The following WDR90 variants were observed in gnomAD, a reference collection of about 807,000 sequenced individuals.
The protein encoded by WDR90 is WD repeat domain 90, also known as WD repeat-containing protein 90.
In WDR90, 238 loss-of-function variants were observed where a neutral mutation model predicts 195.2. The observed-to-expected ratio is 1.22, with a 90% confidence interval of 1.10 to 1.36. The LOEUF is 1.36. Ranked by LOEUF, WDR90 falls within the 40% of genes most tolerant of loss-of-function variation. WDR90 has a pLI of 0.00. For synonymous variants in WDR90, 1,265 were observed against 1,052.4 expected, an observed-to-expected ratio of 1.20 and a Z score of -3.91; for missense variants, 2,734 against 2,439.5, an observed-to-expected ratio of 1.12 and a Z score of -2.54.
chr16:661,919 TG>T lies in WDR90; in HGVS notation c.3898del (p.Ala1300LeufsTer4). The T allele has an allele frequency of 6.2e-7, 1 of 1,609,866 alleles. No homozygotes were observed. ...CGTCGAGAGCCAGTCCCAGAGGCAGTGGGGGCTGGAGAGCTGACCTCGCTCT... is the reference window on the plus strand; with the variant it reads ...CGTCGAGAGCCAGTCCCAGAGGCAGTGGGGCTGGAGAGCTGACCTCGCTCT... ...QVRREPVPEA[V>X]GAGELTSLCY... is the part of the protein sequence containing the mutation. On this transcript the variant is annotated frameshift_variant, in exon 32 of 41. Transcript: ENST00000293879. LOFTEE classifies it high-confidence loss of function.
chr16:660,770 A>G, intron 28 of WDR90, 56 bp downstream of exon 28: 1 of 1,505,804 alleles, frequency 6.6e-7, no homozygotes, highest in Non-Finnish European at 9.0e-7. Context: ...CGCGTGGTCC[A>G]GCCGTCTCCA....
At chr16:654,803 C>T (rs948715600) in intron 13 of WDR90, 22 of 571,770 alleles carry the variant, frequency 3.8e-5, no homozygotes, top group Middle Eastern at 4.6e-4. Context: ...TACTTCTCTG[C>T]GAATGGGTTG....
rs767604702 is a variant in WDR90 at position 666,971 on chromosome 16, C to T, written c.5071C>T (p.Leu1691=). 23 of 1,607,598 alleles carry T rather than the reference C, an allele frequency of 1.4e-5. No homozygotes were observed. The highest frequency in any genetic ancestry group is 1.7e-5 in the Admixed American group (1 of 59,274). The change falls in exon 40 of 41, where the codon CTG becomes TTG. Residue 1691 remains leucine, a synonymous_variant. Transcript: ENST00000293879. ...SLSLSPGTHL[L]AVGFAECMLR... ...GAGCCTGTCCCCCGGGACCCACCTC[C>T]TGGCTGTTGGCTTTGCTGGTGAGTG...
Position 659,247 on chromosome 16 carries a change from C to G in WDR90, c.3055C>G (p.Pro1019Ala). 6.2e-7 allele frequency: 1 copy of G among 1,611,702 alleles called. No individual in the cohort carries two copies. Among genetic ancestry groups the G allele is most frequent in the Non-Finnish European group, 8.5e-7 (1 of 1,179,568 alleles). The stretch of plus-strand genomic sequence containing the variant: ...TCACAGGGCTGCTTCTTCCCCAGGC[C>G]CGGGCGCAGGACCGCTGGAGGACGC... ...PGAPPACKTG[P>A]GAGPLEDAAS... Residue 1019 changes from proline (P) to alanine (A), a missense_variant and splice_region_variant, in exon 26 of 41, where the codon CCG (proline) becomes GCG (alanine). By Grantham distance (27) the Pro-to-Ala change is conservative. Coordinates refer to ENST00000293879, the MANE Select transcript of WDR90 (RefSeq NM_145294.5).
In WDR90 at chr16:662,058, T is replaced by C. The variant is rs951304724; in HGVS notation, c.4032T>C (p.Ile1344=). 3 of 1,600,454 alleles carry C rather than the reference T, an allele frequency of 1.9e-6. No homozygotes were observed. Among genetic ancestry groups the C allele is most frequent in the Non-Finnish European group, 2.5e-6 (3 of 1,179,312 alleles). Residue 1344 remains isoleucine, a splice_region_variant and synonymous_variant, in exon 32 of 41, where the codon ATT becomes ATC. Transcript: ENST00000293879. ...FLSWEADDGG[I]GLLLFSGSRL... ...CCTGGGAGGCGGATGACGGTGGCATTGGTGAGTGCCCCGCAGAAGCCCTGT... is the reference window on the plus strand; with the variant it reads ...CCTGGGAGGCGGATGACGGTGGCATCGGTGAGTGCCCCGCAGAAGCCCTGT...
intron 13 of WDR90, 136 bp from the exon 14 acceptor site, chr16:654,893 C>G (rs2151209892): frequency 1.3e-6 from 1 of 755,042 alleles, no homozygotes; most frequent in East Asian, 2.6e-5. Context: ...TCCTTCCACT[C>G]TCCACGGCCG....
Position 666,329 on chromosome 16 carries a change from C to T in WDR90, c.4719C>T (p.Thr1573=), listed in dbSNP as rs751916611. ...ACCACCAGGGCGCCCCAATCTCTACCATCTGTGTCACGTGCAAAGAGGTAA... is the reference window on the plus strand; with the variant it reads ...ACCACCAGGGCGCCCCAATCTCTACTATCTGTGTCACGTGCAAAGAGGTAA... ...LSDHQGAPIS[T]ICVTCKECED... is the part of the protein sequence containing the mutation. Residue 1573 remains threonine (T), a synonymous_variant, in exon 37 of 41, where the codon ACC becomes ACT. Coordinates refer to ENST00000293879, the MANE Select transcript of WDR90 (RefSeq NM_145294.5). The T allele has an allele frequency of 1.9e-6, 3 of 1,612,598 alleles. No individual in the cohort carries two copies. The highest frequency in any genetic ancestry group is 1.3e-5 in the African/African-American group (1 of 74,944).
intron 34 of WDR90, chr16:664,894 T>C (rs2151376609): frequency 6.6e-6 from 1 of 152,410 alleles, no homozygotes; most frequent in East Asian, 1.9e-4. Context: ...TTAGCCAGGA[T>C]GGTCTCGAAC....
chr16:658,870 C>A (rs1396833306), intron 23 of WDR90, 26 bp from the exon 24 acceptor site: 2 of 1,608,666 alleles, frequency 1.2e-6, no homozygotes, highest in African/African-American at 1.3e-5. Context: ...GCCTCGGGGT[C>A]CTGCATGTGA....
chr16:655,547 A>C (rs1291805111), intron 15 of WDR90, 26 bp from the exon 16 acceptor site: 2 of 1,564,346 alleles, frequency 1.3e-6, no homozygotes, highest in South Asian at 2.4e-5. Flanking sequence ...TGAGGGCCTC[A>C]CCTTCCCTGC....
intron 22 of WDR90, 64 bp from the exon 23 acceptor site, chr16:658,461 G>T: frequency 6.3e-7 from 1 of 1,580,920 alleles, no homozygotes; most frequent in Non-Finnish European, 8.6e-7. Context: ...CACAACGAAG[G>T]GAGGCCCCAG....
chr16:665,690 G>T lies in WDR90; in HGVS notation c.4323G>T (p.Val1441=). 6.2e-7 allele frequency: 1 copy of T among 1,612,676 alleles called. No individual in the cohort carries two copies. The highest frequency in any genetic ancestry group is 1.1e-5 in the South Asian group (1 of 91,092). Residue 1441 remains valine (V), a synonymous_variant, in exon 35 of 41, where the codon GTG becomes GTT. Transcript: ENST00000293879. Reference sequence around the variant, plus strand: ...ACGGCTTCCCCCAGGTGAACGAGGTGGTCTTCAGCCCCGGGGAGTCCCACT... The same window carrying T: ...ACGGCTTCCCCCAGGTGAACGAGGTTGTCTTCAGCCCCGGGGAGTCCCACT... ...ISGHRSKVNE[V]VFSPGESHCA... is the part of the protein sequence containing the mutation.
rs962428258 is a variant in WDR90, at chr16:649,462, G to C, written c.10+36G>C. ...GCTGGCGGGGGTCCCGAGGATCCCG[G>C]GTTCCGGGGTTCCGGGGTCCAGGGT... On this transcript the variant is annotated intron_variant, in intron 1 of 40. Coordinates refer to ENST00000293879, the MANE Select transcript of WDR90 (RefSeq NM_145294.5). 7.0e-6 allele frequency: 9 copies of C among 1,286,660 alleles called. No homozygotes were observed. In the East Asian group the frequency reaches 1.3e-4, roughly 18 times the overall value. 79.7% of individuals were successfully genotyped at this position (1,286,660 alleles called of 1,614,324 possible).
At position 659,116 on chromosome 16, in the gene WDR90, C is replaced by G; in HGVS notation, c.3042C>G (p.Ala1014=). ...AAAGCTTCCCCGGGGCCCCCCCAGC[C>G]TGCAAGACAGGTGAGTGGCTGTGCT... ...SDQSFPGAPP[A]CKTGPGAGPL... Residue 1014 remains alanine, a synonymous_variant, in exon 25 of 41, where the codon GCC becomes GCG. Coordinates refer to ENST00000293879, the MANE Select transcript of WDR90 (RefSeq NM_145294.5). 1.2e-6 allele frequency: 2 copies of G among 1,612,074 alleles called. No individual in the cohort carries two copies. Among genetic ancestry groups the G allele is most frequent in the Non-Finnish European group, 1.7e-6 (2 of 1,179,910 alleles).
intron 34 of WDR90, among the ~76,000 whole-genome samples, chr16:664,285 G>A (rs762913265): frequency 2.2e-4 from 34 of 152,266 alleles, no homozygotes; most frequent in Non-Finnish European, 4.1e-4. Context: ...CTGTGTCTGG[G>A]TCTTCCCATT....
rs776030994 is a variant in WDR90, at chr16:655,413, G to A, written c.1663G>A (p.Asp555Asn). The A allele has an allele frequency of 5.0e-6, 8 of 1,587,932 alleles. No homozygotes were observed. The highest frequency in any genetic ancestry group is 1.7e-4 in the Middle Eastern group (1 of 6,042). Residue 555 changes from aspartate to asparagine, a missense_variant, in exon 15 of 41, where the codon GAC becomes AAC. Transcript: ENST00000293879. ...LGEHHALQFTDLAFKQARDGC... is the reference protein window; with the variant it reads ...LGEHHALQFTNLAFKQARDGC... ...GGAGCACCACGCGCTGCAGTTCACC[G>A]ACCTGGCCTTCAAGCAGGCCCGGGA...
In WDR90 at chr16:666,547, C is replaced by T; in HGVS notation, c.4833C>T (p.Asn1611=). Residue 1611 remains asparagine (N), a synonymous_variant, in exon 38 of 41, where the codon AAC becomes AAT. Coordinates refer to ENST00000293879, the MANE Select transcript of WDR90 (RefSeq NM_145294.5). ...TCTGGGCCTCCGACTGGCTGCGGAA[C>T]CACTGTGAGCTTGTGGACTGGTTGA... ...VSVWASDWLR[N]HCELVDWLSF... is the part of the protein sequence containing the mutation. The T allele has an allele frequency of 6.2e-7, 1 of 1,612,774 alleles. No homozygotes were observed.
intron 5 of WDR90, 67 bp from the exon 6 acceptor site, chr16:650,928 G>C: frequency 6.4e-7 from 1 of 1,573,268 alleles, no homozygotes; most frequent in Non-Finnish European, 8.7e-7. Flanking sequence ...GCAGTGCCTT[G>C]GCGGGTGCCC....
In WDR90 at chr16:649,752, G is replaced by T; in HGVS notation, c.11-11G>T. ...CCGAGTCCCCTGACGCCCGGCGCCC[G>T]CTCCCCGCAGCGTGGCAGCACCCGT... is the stretch of plus-strand genomic sequence containing the variant. On this transcript the variant is annotated splice_polypyrimidine_tract_variant and intron_variant, in intron 1 of 40. Coordinates refer to ENST00000293879, the MANE Select transcript of WDR90 (RefSeq NM_145294.5). The T allele has an allele frequency of 6.5e-7, 1 of 1,548,830 alleles. No individual in the cohort carries two copies. The highest frequency in any genetic ancestry group is 8.7e-7 in the Non-Finnish European group (1 of 1,147,022).
Sources: gnomAD v4.1 joint callset for allele counts (sites outside exome capture counted in the v4.1 genomes callset) on GRCh38, gnomAD v4.1.1 for gene constraint, MANE v1.5 for transcripts, NCBI Gene and HGNC (gene_info 2026-07-23, HGNC 2026-07-21) for gene names.